The following TARS3 variants were observed in gnomAD, a reference collection of about 807,000 sequenced individuals.
TARS3 encodes threonyl-tRNA synthetase 3.
TARS3 carries 94 observed loss-of-function variants against 103.5 expected under a neutral mutation model. That is an observed-to-expected ratio of 0.91 (90% CI 0.77 to 1.08). TARS3 has a LOEUF of 1.08. Ranked by LOEUF, TARS3 falls within the 50% of genes least tolerant of loss-of-function variation. The probability of loss-of-function intolerance (pLI) is 0.00; values close to 1 mark genes in which losing one functional copy is unlikely to be tolerated. For missense variants in TARS3, 952 were observed against 995.2 expected (o/e 0.96, Z 0.58); for synonymous variants, 416 against 355.4 (o/e 1.17, Z -1.92).
chr15:101,689,535 CAG>C (rs1166503426), intron 10 of TARS3, among the ~76,000 whole-genome samples: 1 of 151,966 alleles, frequency 6.6e-6, no homozygotes, highest in African/African-American at 2.4e-5. Context: ...AATCTGGACA[CAG>C]AGACAGATGC....
rs182033247 is a variant in TARS3 at position 101,689,601 on chromosome 15, G to A, written c.1321-3539C>T. Among the ~76,000 whole-genome samples the A allele has an allele frequency of 2.6e-5, 4 of 152,314 alleles. No homozygotes were observed. The East Asian group carries it at 7.7e-4, about 29-fold the overall frequency. On this transcript the variant is annotated intron_variant, in intron 10 of 18. Coordinates refer to ENST00000335968, the MANE Select transcript of TARS3 (RefSeq NM_152334.3). ...GCAGGGAGAACATCACGTGAAGACA[G>A]AGGATGGGAATGACGCTTCAACAAG...
At chr15:101,661,236 T>C (rs1897365393) in intron 16 of TARS3, among the ~76,000 whole-genome samples, 1 of 151,916 alleles carries the variant, frequency 6.6e-6, no homozygotes, top group African/African-American at 2.4e-5. Context: ...TGAGCCATCC[T>C]CTTTGAGTTT....
chr15:101,686,602 G>A (rs967556954), intron 10 of TARS3, among the ~76,000 whole-genome samples: 1 of 152,086 alleles, frequency 6.6e-6, no homozygotes, highest in African/African-American at 2.4e-5. Context: ...GGAGAAGAGA[G>A]TTTTTTTCCA....
chr15:101,716,855 A>ATTT lies in TARS3; in HGVS notation c.567-1895_567-1893dup, dbSNP rs34234379. Among the ~76,000 whole-genome samples the ATTT allele has an allele frequency of 4.3e-4, 57 of 131,620 alleles. 1 individual carries two copies. The highest frequency in any genetic ancestry group is 6.6e-4 in the African/African-American group (23 of 34,890). The allele number at this position is 131,620 out of a possible 152,430, so 86.3% of individuals were successfully genotyped here. The stretch of plus-strand genomic sequence containing the variant: ...TAAATTGTATCAACTCTACAATGTA[A>ATTT]TTTTTTTTTTTTTTTTTTTGAGACA... On this transcript the variant is annotated intron_variant, in intron 3 of 18. Transcript: ENST00000335968.
intron 2 of TARS3, 73 bp downstream of exon 2, chr15:101,723,020 T>C (rs746548045): frequency 1.5e-4 from 194 of 1,327,050 alleles, no homozygotes; most frequent in Non-Finnish European, 1.8e-4. Context: ...TTGGAAATCC[T>C]AGGTAATTAA....
chr15:101,721,370 T>C (rs760690368), intron 2 of TARS3, 48 bp from the exon 3 acceptor site: 4 of 1,462,412 alleles, frequency 2.7e-6, no homozygotes, highest in Admixed American at 1.7e-5. Context: ...AGCCTACTGT[T>C]TTCCAGCTGC....
At chr15:101,713,221 A>C (rs530739071) in intron 4 of TARS3, among the ~76,000 whole-genome samples, 1 of 152,198 alleles carries the variant, frequency 6.6e-6, no homozygotes, top group Non-Finnish European at 1.5e-5. Flanking sequence ...ATATAGAAAA[A>C]TGGTGAGTGT....
At chr15:101,657,082 C>T (rs113417021) in intron 17 of TARS3, 46 bp from the exon 18 acceptor site, 14 of 1,300,026 alleles carry the variant, frequency 1.1e-5, no homozygotes, top group Non-Finnish European at 1.3e-5. Context: ...TGGTACCTAG[C>T]CTCCAAGAAG....
intron 2 of TARS3, 43 bp from the exon 3 acceptor site, chr15:101,721,365 A>G: frequency 1.3e-6 from 2 of 1,493,532 alleles, no homozygotes; most frequent in Non-Finnish European, 1.8e-6. Flanking sequence ...TATACAGCCT[A>G]CTGTTTTCCA....
intron 15 of TARS3, 123 bp downstream of exon 15, chr15:101,671,363 A>T (rs1897793960): frequency 4.2e-6 from 3 of 710,080 alleles, no homozygotes; most frequent in Non-Finnish European, 7.0e-6. Flanking sequence ...GTAAACAAAT[A>T]TATATTGCGT....
At chr15:101,699,178 A>T (rs1567344683) in intron 10 of TARS3, among the ~76,000 whole-genome samples, 1 of 152,172 alleles carries the variant, frequency 6.6e-6, no homozygotes, top group Non-Finnish European at 1.5e-5. Context: ...AACCAACAGA[A>T]AAAACAGCTG....
intron 10 of TARS3, among the ~76,000 whole-genome samples, chr15:101,690,684 A>C (rs552872681): frequency 6.6e-6 from 1 of 152,368 alleles, no homozygotes; most frequent in Non-Finnish European, 1.5e-5. Context: ...GACATGTCAC[A>C]AAGTATTTAA....
chr15:101,712,586 C>T (rs140939009), intron 4 of TARS3, among the ~76,000 whole-genome samples: 2,174 of 152,180 alleles, frequency 0.014, 54 homozygotes, highest in African/African-American at 0.05. Flanking sequence ...CTGCCTGGGA[C>T]GCCTGAGAAG....
chr15:101,687,435 G>A (rs567698507), intron 10 of TARS3, among the ~76,000 whole-genome samples: 1 of 151,948 alleles, frequency 6.6e-6, no homozygotes, highest in Non-Finnish European at 1.5e-5. Flanking sequence ...ACAAAATGAT[G>A]TCATTAAGAA....
chr15:101,715,431 C>T (rs1034139974), intron 3 of TARS3, among the ~76,000 whole-genome samples: 2 of 152,110 alleles, frequency 1.3e-5, no homozygotes, highest in African/African-American at 4.8e-5. Context: ...CAGGCGTGAG[C>T]CACCGCGCCC....
chr15:101,676,551 T>G (rs1285098776), intron 12 of TARS3, among the ~76,000 whole-genome samples: 1 of 152,220 alleles, frequency 6.6e-6, no homozygotes, highest in African/African-American at 2.4e-5. Context: ...CAGGCTGGAA[T>G]GCAGTGGTGT....
chr15:101,671,200 T>C (rs1394873561), intron 15 of TARS3, among the ~76,000 whole-genome samples: 12 of 152,184 alleles, frequency 7.9e-5, no homozygotes, highest in Admixed American at 7.9e-4. Context: ...GCCAGCATTT[T>C]GTGAAGTCTT....
rs756903843 is a variant in TARS3, at chr15:101,654,576, A to G, written c.*6T>C. ...GTTACACAGAAGCAAATATCAGGGA[A>G]GGACTTCAAAAGGCCTCCTCAGCAT... On this transcript the variant is annotated 3_prime_UTR_variant, in exon 19 of 19. Coordinates refer to ENST00000335968, the MANE Select transcript of TARS3 (RefSeq NM_152334.3). 35 of 1,606,758 alleles carry G rather than the reference A, an allele frequency of 2.2e-5. No homozygotes were observed. The South Asian group carries it at 3.7e-4, about 17-fold the overall frequency.
At chr15:101,722,970 A>G in intron 2 of TARS3, 123 bp downstream of exon 2, 1 of 917,896 alleles carries the variant, frequency 1.1e-6, no homozygotes, top group Non-Finnish European at 1.7e-6. Flanking sequence ...TTTTAAATAC[A>G]CTAATGTGAC....
Sources: allele counts gnomAD v4.1 joint callset (sites outside exome capture counted in the v4.1 genomes callset), GRCh38; gene constraint gnomAD v4.1.1; transcripts MANE v1.5; gene names NCBI Gene and HGNC (gene_info 2026-07-23, HGNC 2026-07-21).